MED4: variants seen among roughly 807,000 people sequenced by gnomAD.
MED4 encodes mediator of RNA polymerase II transcription subunit 4.
A neutral mutation model predicts 35.0 loss-of-function variants in MED4; 21 were observed. The ratio of observed to expected loss-of-function variants is 0.60; its 90% CI spans 0.43 to 0.86. The LOEUF (loss-of-function observed/expected upper bound fraction) is 0.86, where lower values mean the gene tolerates loss of function less well. MED4 is among the 40% of genes least tolerant of loss of function. The pLI, the probability that MED4 is intolerant of heterozygous loss-of-function variation, is 0.00. For missense variants in MED4, 300 were observed against 319.4 expected, an observed-to-expected ratio of 0.94 and a Z score of 0.46; for synonymous variants, 138 against 114.0, an observed-to-expected ratio of 1.21 and a Z score of -1.34.
intron 1 of MED4, chr13:48,093,428 T>G (rs1041399762): frequency 2.3e-5 from 6 of 259,756 alleles, no homozygotes; most frequent in South Asian, 1.9e-4. Flanking sequence ...AGGCTAAATC[T>G]AAAAATATGT....
At chr13:48,083,490 G>T in intron 3 of MED4, 62 bp from the exon 4 acceptor site, 2 of 1,401,780 alleles carry the variant, frequency 1.4e-6, no homozygotes, top group South Asian at 1.2e-5. Flanking sequence ...CTTAGTTTTT[G>T]GCTTAATTCA....
chr13:48,081,867 T>C (rs1461223087), intron 4 of MED4, 136 bp from the exon 5 acceptor site: 19 of 488,112 alleles, frequency 3.9e-5, no homozygotes, highest in Non-Finnish European at 3.5e-6. Context: ...CTGCCTTCCT[T>C]AACAATACCT....
chr13:48,075,887 T>TG lies in MED4; in HGVS notation c.*1251dup, dbSNP rs1422844670. 1 of 152,178 alleles carries TG rather than the reference T, an allele frequency of 6.6e-6. No homozygotes were observed. The highest frequency in any genetic ancestry group is 1.5e-5 in the Non-Finnish European group (1 of 68,016). 9.4% of individuals were successfully genotyped at this position (152,178 alleles called of 1,614,324 possible). ...ATTGTATGTCCTTAATTCTAGATGG[T>TG]GAAAATATAAGATTAATCTCCTATT... On this transcript the variant is annotated 3_prime_UTR_variant, in exon 7 of 7. Transcript: ENST00000258648.
chr13:48,089,682 T>A (rs1950876995), intron 2 of MED4, among the ~76,000 whole-genome samples: 1 of 152,166 alleles, frequency 6.6e-6, no homozygotes, highest in Non-Finnish European at 1.5e-5. Flanking sequence ...TCCAGCAGGT[T>A]GAGGCTGCAG....
chr13:48,093,585 C>T (rs747625085), intron 1 of MED4: 1 of 470,400 alleles, frequency 2.1e-6, no homozygotes, highest in African/African-American at 2.0e-5. Context: ...GGAAGCCAGT[C>T]ACACCACCAG....
intron 5 of MED4, among the ~76,000 whole-genome samples, chr13:48,080,592 A>G (rs1000532691): frequency 6.6e-6 from 1 of 152,080 alleles, no homozygotes; most frequent in African/African-American, 2.4e-5. Flanking sequence ...CAACTTAAGA[A>G]AATTATAATA....
At chr13:48,085,956 AAAAG>A (rs980107768) in intron 3 of MED4, among the ~76,000 whole-genome samples, 14 of 152,260 alleles carry the variant, frequency 9.2e-5, no homozygotes, top group African/African-American at 1.9e-4. Context: ...CAAAAAAAAA[AAAAG>A]AGAGATTTAG....
intron 3 of MED4, among the ~76,000 whole-genome samples, chr13:48,083,634 T>C (rs1950826839): frequency 6.6e-6 from 1 of 152,218 alleles, no homozygotes; most frequent in African/African-American, 2.4e-5. Flanking sequence ...ATTTATGAAC[T>C]AGTCTCCCAT....
chr13:48,079,772 G>T, intron 6 of MED4, 72 bp downstream of exon 6: 1 of 1,515,752 alleles, frequency 6.6e-7, no homozygotes, highest in South Asian at 1.2e-5. Flanking sequence ...TTGCTTTACC[G>T]CCAGATATTC....
intron 3 of MED4, among the ~76,000 whole-genome samples, chr13:48,085,482 T>C (rs1950842459): frequency 6.6e-6 from 1 of 152,228 alleles, no homozygotes; most frequent in African/African-American, 2.4e-5. Context: ...TTAGCCACCA[T>C]GCCCGGCCTG....
chr13:48,083,331 C>T (rs987477517), intron 4 of MED4, 40 bp downstream of exon 4: 12 of 1,535,688 alleles, frequency 7.8e-6, no homozygotes, highest in Non-Finnish European at 1.1e-5. Flanking sequence ...AAACCAGAAC[C>T]TTAACTTTTC....
intron 1 of MED4, among the ~76,000 whole-genome samples, chr13:48,092,332 G>A (rs1593549623): frequency 1.3e-5 from 2 of 151,740 alleles, no homozygotes; most frequent in African/African-American, 4.8e-5. Flanking sequence ...GGCTGGTCTC[G>A]AAATCCCGAC....
chr13:48,091,148 T>G (rs780812055), intron 1 of MED4, among the ~76,000 whole-genome samples: 5 of 152,238 alleles, frequency 3.3e-5, no homozygotes, highest in African/African-American at 4.8e-5. Context: ...TGGACCATTT[T>G]TTAATGATTC....
rs1950849512 is a variant in MED4 at position 48,086,460 on chromosome 13, A to G, written c.193-8T>C. The G allele has an allele frequency of 1.9e-6, 3 of 1,612,274 alleles. No individual in the cohort carries two copies. The highest frequency in any genetic ancestry group is 2.5e-6 in the Non-Finnish European group (3 of 1,179,264). ...AATTAACAACTCCAGGACCTGTCAG[A>G]TAACAGTCAATTAAATCAGACAATA... On this transcript the variant is annotated splice_polypyrimidine_tract_variant and splice_region_variant and intron_variant, in intron 2 of 6. Coordinates refer to ENST00000258648, the MANE Select transcript of MED4 (RefSeq NM_014166.4).
intron 6 of MED4, 82 bp from the exon 7 acceptor site, chr13:48,077,393 T>G (rs1950769171): frequency 8.5e-7 from 1 of 1,171,600 alleles, no homozygotes; most frequent in Non-Finnish European, 1.1e-6. Flanking sequence ...TGCAACAATT[T>G]GAAGTATTTT....
intron 1 of MED4, among the ~76,000 whole-genome samples, chr13:48,092,355 G>C (rs1223616405): frequency 6.6e-6 from 1 of 151,922 alleles, no homozygotes; most frequent in Non-Finnish European, 1.5e-5. Context: ...CAGGTGATCC[G>C]CCGGCCTCGG....
chr13:48,092,278 T>C (rs1340569805), intron 1 of MED4, among the ~76,000 whole-genome samples: 1 of 150,778 alleles, frequency 6.6e-6, no homozygotes, highest in African/African-American at 2.5e-5. Flanking sequence ...CGGCTAATTT[T>C]GTATTTTTTT....
Position 48,079,830 on chromosome 13 carries a change from C to G in MED4, c.640+14G>C, listed in dbSNP as rs765675470. On this transcript the variant is annotated intron_variant, in intron 6 of 6. Transcript: ENST00000258648. ...CCCTGATCTGTTTGAAAACACTCTT[C>G]GGCTTAACATTACCTGGCAATCTTC... The G allele has an allele frequency of 6.2e-7, 1 of 1,611,842 alleles. No individual in the cohort carries two copies. The highest frequency in any genetic ancestry group is 8.5e-7 in the Non-Finnish European group (1 of 1,178,644).
intron 4 of MED4, among the ~76,000 whole-genome samples, chr13:48,083,006 C>T (rs990815524): frequency 2.0e-5 from 3 of 152,152 alleles, no homozygotes; most frequent in East Asian, 1.9e-4. Flanking sequence ...AGCGCAGTTG[C>T]CCAATGGATG....
Sources: allele counts gnomAD v4.1 joint callset (sites outside exome capture counted in the v4.1 genomes callset), GRCh38; gene constraint gnomAD v4.1.1; transcripts MANE v1.5; gene names NCBI Gene and HGNC (gene_info 2026-07-23, HGNC 2026-07-21).